The following PFKFB4 variants were observed in gnomAD, a reference collection of about 807,000 sequenced individuals.
The protein encoded by PFKFB4 is 6-phosphofructo-2-kinase/fructose-2,6-bisphosphatase 4.
PFKFB4 carries 42 observed loss-of-function variants against 62.8 expected under a neutral mutation model. The ratio of observed to expected loss-of-function variants is 0.67; its 90% CI spans 0.52 to 0.86. The LOEUF is 0.86. PFKFB4 is among the 40% of genes least tolerant of loss of function. The pLI is 0.00. For synonymous variants in PFKFB4, 204 were observed against 240.7 expected, an observed-to-expected ratio of 0.85 and a Z score of 1.41; for missense variants, 475 against 627.2, an observed-to-expected ratio of 0.76 and a Z score of 2.59.
chr3:48,527,285 T>G (rs546446784), intron 9 of PFKFB4, among the ~76,000 whole-genome samples: 2,120 of 140,644 alleles, frequency 0.015, 62 homozygotes, highest in African/African-American at 0.057. Flanking sequence ...ATTTAGTGGT[T>G]TTTTTTTTTT....
chr3:48,559,488 C>T (rs752655736), upstream of PFKFB4: 10 of 456,888 alleles, frequency 2.2e-5, no homozygotes, highest in South Asian at 7.7e-5. Context: ...ACAGTGGAAT[C>T]GCACAGTCCA....
rs2042100419 is a variant in PFKFB4 at position 48,521,760 on chromosome 3, C to T, written c.1350+226G>A. Among the ~76,000 whole-genome samples, 1 of 152,198 alleles carries T rather than the reference C, an allele frequency of 6.6e-6. No homozygotes were observed. Among genetic ancestry groups the T allele is most frequent in the Non-Finnish European group, 1.5e-5 (1 of 68,026 alleles). ...TTCAGGCACTCCTGAGCCTGGTGGC[C>T]CAGAGTCAGGGATTTCCCCATCCCC... On this transcript the variant is annotated intron_variant, in intron 13 of 13. Coordinates refer to ENST00000232375, the MANE Select transcript of PFKFB4 (RefSeq NM_004567.4). The surrounding 1 kb of genome is among the most constrained non-coding windows in gnomAD (Gnocchi z 5.3).
chr3:48,522,108 T>A, intron 12 of PFKFB4, 58 bp from the exon 13 acceptor site: 3 of 1,482,616 alleles, frequency 2.0e-6, no homozygotes, highest in Non-Finnish European at 2.8e-6. Flanking sequence ...GAGCTGCAGA[T>A]GCTAGAAACT....
Position 48,553,469 on chromosome 3 carries a change from C to T in PFKFB4, c.97+3212G>A, listed in dbSNP as rs2043217320. ...AGCCTGGGGGACAAAGCAAGACTGT[C>T]TCCAAAAAAAAAAAAGAACACACTG... On this transcript the variant is annotated intron_variant, in intron 1 of 13. Transcript: ENST00000232375. Among the ~76,000 whole-genome samples, 2 of 150,454 alleles carry T rather than the reference C, an allele frequency of 1.3e-5. 1 individual carries two copies. The highest frequency in any genetic ancestry group is 4.2e-4 in the South Asian group (2 of 4,778).
intron 4 of PFKFB4, among the ~76,000 whole-genome samples, chr3:48,540,036 G>A (rs575855903): frequency 2.0e-4 from 31 of 152,340 alleles, no homozygotes; most frequent in African/African-American, 6.7e-4. Context: ...GAGCAGACCC[G>A]TGGCACAGAA....
chr3:48,550,931 G>A (rs546891355), intron 1 of PFKFB4, among the ~76,000 whole-genome samples: 128 of 152,308 alleles, frequency 8.4e-4, no homozygotes, highest in African/African-American at 2.9e-3. Context: ...CTGGTGCTCA[G>A]GAACTGTGGG....
intron 2 of PFKFB4, 47 bp downstream of exon 2, chr3:48,550,071 G>T: frequency 1.4e-6 from 2 of 1,472,924 alleles, no homozygotes; most frequent in Non-Finnish European, 1.9e-6. Context: ...TATTCTCTTC[G>T]TCATGCCCCA....
At chr3:48,524,264 G>A (rs2042187261) in intron 10 of PFKFB4, among the ~76,000 whole-genome samples, 1 of 152,192 alleles carries the variant, frequency 6.6e-6, no homozygotes, top group Non-Finnish European at 1.5e-5. Context: ...AAACAGCTGG[G>A]GTCCCCAGGA....
intron 9 of PFKFB4, among the ~76,000 whole-genome samples, chr3:48,526,423 A>G (rs145538565): frequency 0.015 from 2,261 of 151,238 alleles, 66 homozygotes; most frequent in African/African-American, 0.051. Context: ...AAATACAAAA[A>G]TTAGTTGGGC....
At chr3:48,555,495 G>A (rs184418705) in intron 1 of PFKFB4, among the ~76,000 whole-genome samples, 2 of 152,304 alleles carry the variant, frequency 1.3e-5, no homozygotes, top group African/African-American at 4.8e-5. Context: ...TCAATCTCCT[G>A]ATCTCCATTT....
intron 7 of PFKFB4, among the ~76,000 whole-genome samples, chr3:48,538,212 A>C (rs1007203253): frequency 6.6e-6 from 1 of 152,314 alleles, no homozygotes; most frequent in South Asian, 2.1e-4. Context: ...TTTGACAGAA[A>C]ATATTTGCCA....
intron 13 of PFKFB4, among the ~76,000 whole-genome samples, chr3:48,520,590 C>A (rs1156283347): frequency 6.6e-6 from 1 of 152,214 alleles, no homozygotes; most frequent in South Asian, 2.1e-4. Flanking sequence ...TGGCCCACAG[C>A]CTGGGCTCAT....
At chr3:48,534,578 G>A (rs2042529579) in intron 9 of PFKFB4, among the ~76,000 whole-genome samples, 2 of 151,890 alleles carry the variant, frequency 1.3e-5, no homozygotes, top group Admixed American at 1.3e-4. Flanking sequence ...GGTTGAGATG[G>A]GAGGATGGCT....
At chr3:48,548,836 G>A (rs1220607397) in intron 3 of PFKFB4, among the ~76,000 whole-genome samples, 1 of 152,180 alleles carries the variant, frequency 6.6e-6, no homozygotes, top group Non-Finnish European at 1.5e-5. Flanking sequence ...TGGTGCCACA[G>A]CCTGGCCCAG....
chr3:48,559,408 A>G (rs1016300465), upstream of PFKFB4: 6 of 414,616 alleles, frequency 1.4e-5, no homozygotes, highest in African/African-American at 1.0e-4. Context: ...GTCCAAGATC[A>G]CAAAGCGAGT....
intron 1 of PFKFB4, among the ~76,000 whole-genome samples, chr3:48,551,151 G>C (rs1371063598): frequency 1.3e-5 from 2 of 152,040 alleles, no homozygotes; most frequent in Non-Finnish European, 2.9e-5. Flanking sequence ...TTCCCAGCTG[G>C]CTAGAACAGA....
In PFKFB4 at chr3:48,556,689, T is replaced by G; in HGVS notation, c.89A>C (p.Gln30Pro). 3 of 1,572,642 alleles carry G rather than the reference T, an allele frequency of 1.9e-6. No individual in the cohort carries two copies. Among genetic ancestry groups the G allele is most frequent in the Non-Finnish European group, 2.6e-6 (3 of 1,155,868 alleles). Reference sequence around the variant, plus strand: ...AGAGGACCCCGCCTCACCACCGCGCTGGCAAGCGTGCAGAGCGGGCCGCCC... The same window carrying G: ...AGAGGACCCCGCCTCACCACCGCGCGGGCAAGCGTGCAGAGCGGGCCGCCC... The part of the protein sequence containing the change: ...SNGRPALHAC[Q>P]RGVCMTNCPT... Residue 30 changes from glutamine to proline, a missense_variant, in exon 1 of 14, where the codon CAG becomes CCG. Physicochemically the swap from Gln to Pro is moderately conservative, Grantham distance 76. Transcript: ENST00000232375. This position sits in a 1 kb window ranked among gnomAD's most constrained non-coding sequence, Gnocchi z 5.7.
upstream of PFKFB4, chr3:48,562,894 ATCC>A: frequency 6.2e-7 from 1 of 1,604,648 alleles, no homozygotes; most frequent in East Asian, 2.2e-5. The surrounding 1 kb of genome is among the most constrained non-coding windows in gnomAD (Gnocchi z 4.3). Flanking sequence ...CGATGGGGAC[ATCC>A]AGCGATAGGA....
chr3:48,548,903 A>G (rs1037737831), intron 3 of PFKFB4, among the ~76,000 whole-genome samples: 12 of 152,202 alleles, frequency 7.9e-5, no homozygotes, highest in African/African-American at 2.9e-4. Flanking sequence ...GCCCCACAGC[A>G]GGGAGTTCCT....
Sources: allele counts gnomAD v4.1 joint callset (sites outside exome capture counted in the v4.1 genomes callset), GRCh38; gene constraint gnomAD v4.1.1; non-coding constraint Gnocchi (gnomAD v3.1); transcripts MANE v1.5; gene names NCBI Gene and HGNC (gene_info 2026-07-23, HGNC 2026-07-21).